The following CAMK1D variants were observed in gnomAD, a reference collection of about 807,000 sequenced individuals.
CAMK1D encodes calcium/calmodulin-dependent protein kinase type 1D.
A neutral mutation model predicts 47.7 loss-of-function variants in CAMK1D; 9 were observed. That is an observed-to-expected ratio of 0.19 (90% CI 0.11 to 0.33). The LOEUF is 0.33. CAMK1D is among the 10% of genes least tolerant of loss of function. The pLI, the probability that CAMK1D is intolerant of heterozygous loss-of-function variation, is 1.00. For missense variants in CAMK1D, 291 were observed against 488.7 expected, an observed-to-expected ratio of 0.60 and a Z score of 3.81; for synonymous variants, 184 against 184.9, an observed-to-expected ratio of 0.99 and a Z score of 0.04.
Position 12,829,073 on chromosome 10 carries a change from CTG to C in CAMK1D, c.*188_*189del, listed in dbSNP as rs1833364892. On this transcript the variant is annotated 3_prime_UTR_variant, in exon 11 of 11. Transcript: ENST00000619168. ...TTCTGAAGTGTTCATTTCTCACAAA[CTG>C]TACTGACTCGAGGGGCGCTGATTTC... 1 of 552,444 alleles carries C rather than the reference CTG, an allele frequency of 1.8e-6. No homozygotes were observed. Among genetic ancestry groups the C allele is most frequent in the South Asian group, 2.3e-5 (1 of 44,396 alleles). The allele number at this position is 552,444 out of a possible 1,614,324, so 34.2% of individuals were successfully genotyped here. A position where few individuals can be genotyped will look rare whatever the true frequency, so the allele number is the denominator to read the frequency against.
At chr10:12,760,380 TC>T (rs1272022515) in intron 3 of CAMK1D, among the ~76,000 whole-genome samples, 7 of 152,218 alleles carry the variant, frequency 4.6e-5, no homozygotes, top group African/African-American at 1.7e-4. Context: ...TTCTGATCAT[TC>T]CGAAGGCATG....
chr10:12,611,609 T>TTTTTTTTTTTTTTTTTTTTTTTTG (rs1554796845), intron 2 of CAMK1D, among the ~76,000 whole-genome samples: 4 of 124,710 alleles, frequency 3.2e-5, no homozygotes, highest in Non-Finnish European at 5.0e-5. Context: ...TTTTTTTTTT[T>TTTTTTTTTTTTTTTTTTTTTTTTG]GAGACAGAGT....
intron 4 of CAMK1D, among the ~76,000 whole-genome samples, chr10:12,761,401 G>A (rs550511873): frequency 1.8e-4 from 28 of 152,222 alleles, no homozygotes; most frequent in African/African-American, 5.5e-4. Context: ...CTCAAGACAC[G>A]TAGGCTACAG....
At chr10:12,793,788 C>T (rs929364798) in intron 6 of CAMK1D, among the ~76,000 whole-genome samples, 1 of 152,210 alleles carries the variant, frequency 6.6e-6, no homozygotes, top group Non-Finnish European at 1.5e-5. Context: ...AAGCACAGTT[C>T]TTCTAGTGAA....
chr10:12,424,189 C>T (rs1260086937), intron 1 of CAMK1D, among the ~76,000 whole-genome samples: 1 of 152,102 alleles, frequency 6.6e-6, no homozygotes, highest in Non-Finnish European at 1.5e-5. Flanking sequence ...AATCCAGCTG[C>T]TCCTGGATAC....
At chr10:12,687,527 G>A (rs1393217114) in intron 3 of CAMK1D, among the ~76,000 whole-genome samples, 4 of 152,154 alleles carry the variant, frequency 2.6e-5, no homozygotes, top group Non-Finnish European at 5.9e-5. Flanking sequence ...GTGGTGATTG[G>A]CGTCTAAATT....
At chr10:12,372,896 G>C (rs560560767) in intron 1 of CAMK1D, among the ~76,000 whole-genome samples, 122 of 152,340 alleles carry the variant, frequency 8.0e-4, no homozygotes, top group African/African-American at 2.7e-3. Context: ...CTCTCAAAGT[G>C]CTGGGATTAT....
At chr10:12,636,401 C>T (rs1452078923) in intron 2 of CAMK1D, among the ~76,000 whole-genome samples, 2 of 152,200 alleles carry the variant, frequency 1.3e-5, no homozygotes, top group African/African-American at 2.4e-5. Flanking sequence ...GATCATAGCT[C>T]ACCGCAGCCT....
intron 3 of CAMK1D, among the ~76,000 whole-genome samples, chr10:12,702,148 G>T (rs1366618017): frequency 6.6e-6 from 1 of 152,154 alleles, no homozygotes; most frequent in Non-Finnish European, 1.5e-5. Flanking sequence ...GCAGCATTCT[G>T]TTCCATCATA....
At chr10:12,753,687 A>G (rs1442159462) in intron 3 of CAMK1D, among the ~76,000 whole-genome samples, 1 of 152,176 alleles carries the variant, frequency 6.6e-6, no homozygotes, top group Non-Finnish European at 1.5e-5. Flanking sequence ...CGCACTCAAC[A>G]GTGGCTGCAC....
At chr10:12,672,722 A>G (rs12412190) in intron 3 of CAMK1D, among the ~76,000 whole-genome samples, 52,706 of 151,748 alleles carry the variant, frequency 0.35, 9,347 homozygotes, top group Middle Eastern at 0.45. Context: ...AATTTTATAT[A>G]TATAGTATGA....
intron 1 of CAMK1D, among the ~76,000 whole-genome samples, chr10:12,397,562 C>T (rs931984715): frequency 3.3e-5 from 5 of 152,198 alleles, no homozygotes; most frequent in African/African-American, 4.8e-5. Flanking sequence ...TTTCCTCTTC[C>T]GCTGTGCCGT....
intron 1 of CAMK1D, among the ~76,000 whole-genome samples, chr10:12,522,151 C>A (rs1005823956): frequency 6.7e-6 from 1 of 150,148 alleles, no homozygotes; most frequent in Non-Finnish European, 1.5e-5. Flanking sequence ...TTCCTGTCTT[C>A]ACCCTTTCCT....
chr10:12,464,775 A>G (rs187338137), intron 1 of CAMK1D, among the ~76,000 whole-genome samples: 5 of 151,500 alleles, frequency 3.3e-5, no homozygotes, highest in Non-Finnish European at 5.9e-5. Context: ...AGATCTCGCC[A>G]CTGCACTCCA....
At chr10:12,448,825 T>C (rs1381123973) in intron 1 of CAMK1D, among the ~76,000 whole-genome samples, 1 of 152,128 alleles carries the variant, frequency 6.6e-6, no homozygotes, top group African/African-American at 2.4e-5. Flanking sequence ...GGAAATGGAG[T>C]GTGATCACAG....
Position 12,541,866 on chromosome 10 carries a change from C to CCTTCCTTCCTTCCTT in CAMK1D, c.93-11357_93-11343dup, listed in dbSNP as rs1275861638. 3.3e-4 allele frequency among the ~76,000 whole-genome samples: 49 copies of CCTTCCTTCCTTCCTT among 148,112 alleles called. 1 individual carries two copies. Among genetic ancestry groups the CCTTCCTTCCTTCCTT allele is most frequent in the Non-Finnish European group, 8.9e-5 (6 of 67,226 alleles). The stretch of plus-strand genomic sequence containing the variant: ...ATCTTCCTTCCTTCCTTCCTTCCTT[C>CCTTCCTTCCTTCCTT]CTTCCTTCCTTCCTTCCTTCCTTTT... On this transcript the variant is annotated intron_variant, in intron 1 of 10. Transcript: ENST00000619168.
At chr10:12,349,999 G>T in intron 1 of CAMK1D, 89 bp downstream of exon 1, 5 of 607,500 alleles carry the variant, frequency 8.2e-6, no homozygotes, top group Non-Finnish European at 1.0e-5. Context: ...CACTACCGCG[G>T]CAGAAACCCA....
chr10:12,697,873 T>A (rs1252012153), intron 3 of CAMK1D, among the ~76,000 whole-genome samples: 1 of 151,816 alleles, frequency 6.6e-6, no homozygotes. Flanking sequence ...AGCCATGGGG[T>A]GTGAAAGGTC....
intron 2 of CAMK1D, among the ~76,000 whole-genome samples, chr10:12,579,209 T>C (rs1445262566): frequency 6.6e-6 from 1 of 152,206 alleles, no homozygotes. Context: ...TCGTGGCTGA[T>C]GCAGGATGAG....
Sources: allele counts gnomAD v4.1 joint callset (sites outside exome capture counted in the v4.1 genomes callset), GRCh38; gene constraint gnomAD v4.1.1; transcripts MANE v1.5; gene names NCBI Gene and HGNC (gene_info 2026-07-23, HGNC 2026-07-21).